PPP3R1: variants seen among roughly 807,000 people sequenced by gnomAD.
PPP3R1 encodes the protein calcineurin subunit B type 1.
PPP3R1 carries 5 observed loss-of-function variants against 22.6 expected under a neutral mutation model. The ratio of observed to expected loss-of-function variants is 0.22; its 90% confidence interval spans 0.12 to 0.46. The LOEUF is 0.46. Ranked by LOEUF, PPP3R1 falls within the 20% of genes least tolerant of loss-of-function variation. The pLI is 0.99. For synonymous variants in PPP3R1, 56 were observed against 65.2 expected, an observed-to-expected ratio of 0.86 and a Z score of 0.68; for missense variants, 61 against 203.2, an observed-to-expected ratio of 0.30 and a Z score of 4.25.
intron 1 of PPP3R1, among the ~76,000 whole-genome samples, chr2:68,246,030 T>TCCCTTTTTA (rs995929317): frequency 6.6e-6 from 1 of 150,752 alleles, no homozygotes; most frequent in South Asian, 2.1e-4. Context: ...AGATAATCTC[T>TCCCTTTTTA]CCCTTTTTAC....
chr2:68,191,001 A>G (rs1412594802), intron 2 of PPP3R1, among the ~76,000 whole-genome samples: 1 of 152,220 alleles, frequency 6.6e-6, no homozygotes, highest in Non-Finnish European at 1.5e-5. Context: ...AAAGCTGCAT[A>G]ATTTGAATGG....
chr2:68,193,677 T>C (rs1410559934), intron 2 of PPP3R1, among the ~76,000 whole-genome samples: 1 of 152,184 alleles, frequency 6.6e-6, no homozygotes, highest in Non-Finnish European at 1.5e-5. Flanking sequence ...TTGCCAGCAG[T>C]GTTGCTGTGC....
At chr2:68,241,309 A>C (rs1670131670) in intron 1 of PPP3R1, among the ~76,000 whole-genome samples, 1 of 152,048 alleles carries the variant, frequency 6.6e-6, no homozygotes. Flanking sequence ...TTTCATTGTT[A>C]TTTTTTATTT....
intron 5 of PPP3R1, 86 bp downstream of exon 5, chr2:68,186,382 C>CA (rs777059308): frequency 3.1e-5 from 41 of 1,335,512 alleles, no homozygotes; most frequent in Middle Eastern, 2.6e-4. Flanking sequence ...GTTTTTAGGA[C>CA]AAAATATGGA....
In PPP3R1 at chr2:68,252,492, C is replaced by T. The variant is rs1191387811; in HGVS notation, c.-365G>A. 1.0e-5 allele frequency: 10 copies of T among 977,568 alleles called. No individual in the cohort carries two copies. In the South Asian group the frequency reaches 2.4e-4, roughly 23 times the overall value. 60.6% of individuals were successfully genotyped at this position (977,568 alleles called of 1,614,324 possible). ...GCGCTCGCGCCGGAGCCGTGACGGA[C>T]TCACTGCAGCGGCTCGCGCTGACCC... On this transcript the variant is annotated 5_prime_UTR_variant, in exon 1 of 6. Coordinates refer to ENST00000234310, the MANE Select transcript of PPP3R1 (RefSeq NM_000945.4).
At chr2:68,223,519 C>T (rs551810026) in intron 1 of PPP3R1, among the ~76,000 whole-genome samples, 6 of 152,008 alleles carry the variant, frequency 3.9e-5, no homozygotes, top group Non-Finnish European at 7.4e-5. Flanking sequence ...GAGGATTATT[C>T]CAGCAATGGA....
At chr2:68,210,661 T>G (rs1449498896) in intron 2 of PPP3R1, among the ~76,000 whole-genome samples, 1 of 152,186 alleles carries the variant, frequency 6.6e-6, no homozygotes, top group Non-Finnish European at 1.5e-5. Context: ...AAGCAAAGGT[T>G]GTTTTTCAAT....
intron 1 of PPP3R1, among the ~76,000 whole-genome samples, chr2:68,225,072 A>G (rs1669756748): frequency 6.6e-6 from 1 of 152,250 alleles, no homozygotes; most frequent in Admixed American, 6.5e-5. Context: ...TGTGGAATAA[A>G]TGATTATGTG....
At chr2:68,197,971 T>C (rs778777104) in intron 2 of PPP3R1, among the ~76,000 whole-genome samples, 7 of 144,944 alleles carry the variant, frequency 4.8e-5, no homozygotes, top group Non-Finnish European at 8.9e-5. Context: ...CTTTTAAATA[T>C]ATGATACATA....
chr2:68,199,504 T>C (rs1262705794), intron 2 of PPP3R1, among the ~76,000 whole-genome samples: 1 of 152,300 alleles, frequency 6.6e-6, no homozygotes, highest in East Asian at 1.9e-4. Context: ...TGATTAGAAG[T>C]GGTCAAGAGT....
chr2:68,211,025 A>G (rs1669469473), intron 2 of PPP3R1, among the ~76,000 whole-genome samples: 1 of 152,204 alleles, frequency 6.6e-6, no homozygotes, highest in African/African-American at 2.4e-5. Flanking sequence ...TCCAGTGCAT[A>G]TAAAAGTTAT....
At chr2:68,232,261 GTGTGTATA>G (rs765364797) in intron 1 of PPP3R1, among the ~76,000 whole-genome samples, 2,908 of 44,236 alleles carry the variant, frequency 0.066, 67 homozygotes, top group East Asian at 0.19. Flanking sequence ...GTGTGTGTGT[GTGTGTATA>G]TATATATACA....
At chr2:68,213,726 T>C (rs1470246382) in intron 2 of PPP3R1, among the ~76,000 whole-genome samples, 3 of 152,086 alleles carry the variant, frequency 2.0e-5, no homozygotes, top group Non-Finnish European at 4.4e-5. Flanking sequence ...AATCAAAGCA[T>C]AATAAAATGA....
intron 2 of PPP3R1, among the ~76,000 whole-genome samples, chr2:68,207,113 G>GAA (rs1675143742): frequency 1.2e-5 from 1 of 85,098 alleles, no homozygotes. Context: ...AAAAAAAAAA[G>GAA]CAAAAAAAAA....
intron 2 of PPP3R1, among the ~76,000 whole-genome samples, 173 bp downstream of exon 2, chr2:68,216,919 A>C (rs1266844963): frequency 1.3e-5 from 2 of 151,960 alleles, no homozygotes; most frequent in African/African-American, 2.4e-5. Context: ...TGGTAACATA[A>C]ATAGACTGTA....
intron 2 of PPP3R1, among the ~76,000 whole-genome samples, chr2:68,190,657 G>T (rs1674647182): frequency 6.6e-6 from 1 of 152,072 alleles, no homozygotes; most frequent in Non-Finnish European, 1.5e-5. Context: ...ACAAGTTTAG[G>T]GGCTTTAAGA....
chr2:68,192,751 C>T (rs1674692457), intron 2 of PPP3R1, among the ~76,000 whole-genome samples: 1 of 152,132 alleles, frequency 6.6e-6, no homozygotes, highest in African/African-American at 2.4e-5. Flanking sequence ...AGCTCCTGTG[C>T]TTTACATTTT....
chr2:68,181,204 A>G (rs1320740500), intron 5 of PPP3R1, among the ~76,000 whole-genome samples, 194 bp from the exon 6 acceptor site: 1 of 152,110 alleles, frequency 6.6e-6, no homozygotes, highest in Non-Finnish European at 1.5e-5. Flanking sequence ...CCTGGCTAAC[A>G]CACGGTGAAA....
At chr2:68,186,941 C>T (rs558524691) in intron 4 of PPP3R1, among the ~76,000 whole-genome samples, 2 of 152,294 alleles carry the variant, frequency 1.3e-5, no homozygotes, top group African/African-American at 4.8e-5. Context: ...CCAACCTCTC[C>T]GGTTCTTTAG....
Sources: gnomAD v4.1 joint callset for allele counts (sites outside exome capture counted in the v4.1 genomes callset) on GRCh38, gnomAD v4.1.1 for gene constraint, MANE v1.5 for transcripts, NCBI Gene and HGNC (gene_info 2026-07-23, HGNC 2026-07-21) for gene names.